Variants in DMD observed in about 807,000 individuals in gnomAD.
The protein encoded by DMD is mutant dystrophin.
A neutral mutation model predicts 330.1 loss-of-function variants in DMD; 63 were observed. That is an observed-to-expected ratio of 0.19 (90% CI 0.16 to 0.24). DMD has a LOEUF of 0.24. DMD is among the 10% of genes least tolerant of loss of function. The probability of loss-of-function intolerance (pLI) is 1.00; values close to 1 mark genes in which losing one functional copy is unlikely to be tolerated. For synonymous variants in DMD, 1,223 were observed against 959.8 expected, an observed-to-expected ratio of 1.27 and a Z score of -5.07; for missense variants, 3,344 against 2,684.1, an observed-to-expected ratio of 1.25 and a Z score of -5.43.
chrX:32,279,376 C>A (rs780688695), intron 43 of DMD, among the ~76,000 whole-genome samples: 11 of 111,560 alleles, frequency 9.9e-5, no homozygotes, highest in African/African-American at 3.6e-4. Context: ...TTTGTTGAAG[C>A]ACTGTTCATA....
intron 57 of DMD, among the ~76,000 whole-genome samples, chrX:31,494,537 C>G (rs1255647147): frequency 9.0e-6 from 1 of 111,478 alleles, no homozygotes; most frequent in Non-Finnish European, 1.9e-5. Flanking sequence ...GCACACTAAC[C>G]AAGTGGGGAC....
At chrX:31,390,497 T>A (rs756309478) in intron 60 of DMD, among the ~76,000 whole-genome samples, 10 of 111,001 alleles carry the variant, frequency 9.0e-5, no homozygotes, top group Admixed American at 7.7e-4. Flanking sequence ...ACTGTTGATC[T>A]TTTCCAAATC....
intron 77 of DMD, 130 bp from the exon 78 acceptor site, chrX:31,126,803 GAAAAAAA>G (rs58738809): frequency 9.0e-4 from 233 of 259,449 alleles, no homozygotes; most frequent in Middle Eastern, 2.3e-3. Flanking sequence ...TTCTCTGCTG[GAAAAAAA>G]AAAAAAAAAA....
intron 50 of DMD, among the ~76,000 whole-genome samples, chrX:31,793,140 C>G (rs2091656614): frequency 9.0e-6 from 1 of 111,000 alleles, no homozygotes; most frequent in African/African-American, 3.3e-5. Context: ...CTGCTTCTCT[C>G]TGATGTCCAG....
intron 57 of DMD, among the ~76,000 whole-genome samples, chrX:31,493,094 CAG>C (rs2069466723): frequency 9.0e-6 from 1 of 111,641 alleles, no homozygotes; most frequent in Admixed American, 9.5e-5. Flanking sequence ...TAGAAATAAA[CAG>C]AAAACTCCTG....
chrX:31,945,987 G>A (rs2150070822), intron 45 of DMD, among the ~76,000 whole-genome samples: 1 of 112,015 alleles, frequency 8.9e-6, no homozygotes, highest in African/African-American at 3.2e-5. Context: ...TAGAAAAGAA[G>A]CAATAATAAC....
At chrX:32,853,533 TTA>T (rs886601934) in intron 2 of DMD, among the ~76,000 whole-genome samples, 1 of 110,252 alleles carries the variant, frequency 9.1e-6, no homozygotes, top group African/African-American at 3.3e-5. Context: ...AAATAATGGG[TTA>T]TAGTGTTTGT....
chrX:32,065,409 C>T (rs2096253330), intron 44 of DMD, among the ~76,000 whole-genome samples: 1 of 111,630 alleles, frequency 9.0e-6, no homozygotes, highest in African/African-American at 3.2e-5. Flanking sequence ...TTAATTGAAA[C>T]TAGTTCAAGT....
rs867407141 is a variant in DMD, at chrX:31,867,091, G to T, written c.7098+8097C>A. Among the ~76,000 whole-genome samples, 395 of 101,246 alleles carry T rather than the reference G, an allele frequency of 3.9e-3. 3 individuals are homozygous for T. Among genetic ancestry groups the T allele is most frequent in the African/African-American group, 0.013 (374 of 27,786 alleles). 87.9% of individuals were successfully genotyped at this position (101,246 alleles called of 115,157 possible). A position where few individuals can be genotyped will look rare whatever the true frequency, so the allele number is the denominator to read the frequency against. On this transcript the variant is annotated intron_variant, in intron 48 of 78. Transcript: ENST00000357033. The stretch of plus-strand genomic sequence containing the variant: ...TATACTTAAGTATGCAACATATTTT[G>T]ATATATATATATATATATACGCACA...
rs188363021 is a variant in DMD at position 31,673,654 on chromosome X, G to A, written c.7872+5721C>T. On this transcript the variant is annotated intron_variant, in intron 53 of 78. Transcript: ENST00000357033. ...AAAAGAAAAAAGAAAAGATGATTTC[G>A]AAAATTTTTTGAGGAGCAGATTTAC... Among the ~76,000 whole-genome samples, 46 of 111,568 alleles carry A rather than the reference G, an allele frequency of 4.1e-4. No homozygotes were observed. In the East Asian group the frequency reaches 5.6e-3, roughly 14 times the overall value.
intron 51 of DMD, among the ~76,000 whole-genome samples, chrX:31,756,463 T>TAC (rs58167942): frequency 0.066 from 7,039 of 106,682 alleles, 198 homozygotes; most frequent in Non-Finnish European, 0.09. Flanking sequence ...CGTGTATGTG[T>TAC]ACACACACAC....
intron 55 of DMD, among the ~76,000 whole-genome samples, chrX:31,538,960 C>T (rs1365573437): frequency 9.0e-6 from 1 of 111,476 alleles, no homozygotes; most frequent in Non-Finnish European, 1.9e-5. Flanking sequence ...GTTATTCGTT[C>T]TCATTATTTT....
intron 77 of DMD, among the ~76,000 whole-genome samples, chrX:31,129,918 T>C (rs757761742): frequency 8.9e-6 from 1 of 111,838 alleles, no homozygotes; most frequent in Admixed American, 9.5e-5. Flanking sequence ...TAGGGGTATT[T>C]GATAGAATGT....
intron 1 of DMD, among the ~76,000 whole-genome samples, chrX:33,128,701 G>A (rs1212161434): frequency 8.9e-6 from 1 of 111,997 alleles, no homozygotes; most frequent in African/African-American, 3.2e-5. Context: ...AGAAAAAGAA[G>A]CAGAGAAGGA....
chrX:32,488,838 C>T (rs1001012556), intron 20 of DMD, among the ~76,000 whole-genome samples: 5 of 111,317 alleles, frequency 4.5e-5, no homozygotes, highest in African/African-American at 1.6e-4. Context: ...CTGTTTGTCT[C>T]TCCTCTCATT....
At chrX:32,147,877 C>CTTTTTT (rs779461772) in intron 44 of DMD, among the ~76,000 whole-genome samples, 2 of 87,972 alleles carry the variant, frequency 2.3e-5, no homozygotes, top group African/African-American at 4.2e-5. Context: ...AAAATTTCTT[C>CTTTTTT]TTTTTTTTTT....
intron 17 of DMD, among the ~76,000 whole-genome samples, chrX:32,532,702 C>A (rs1307859534): frequency 8.9e-6 from 1 of 112,321 alleles, no homozygotes; most frequent in African/African-American, 3.2e-5. Context: ...TGGCTTTAAG[C>A]CCTATGCCAT....
chrX:32,577,326 T>C (rs56327621), intron 13 of DMD, among the ~76,000 whole-genome samples: 1,294 of 112,077 alleles, frequency 0.012, 14 homozygotes, highest in African/African-American at 0.039. Flanking sequence ...GGTGAGAAAG[T>C]GTTTGTATTG....
At chrX:33,020,296 G>GT (rs768702481) in intron 1 of DMD, 96 bp from the exon 2 acceptor site, 30 of 588,597 alleles carry the variant, frequency 5.1e-5, no homozygotes, top group South Asian at 1.1e-4. Flanking sequence ...ATGTGTTAGT[G>GT]TTTTTTTACA....
Sources: allele counts gnomAD v4.1 joint callset (sites outside exome capture counted in the v4.1 genomes callset), GRCh38; gene constraint gnomAD v4.1.1; transcripts MANE v1.5; gene names NCBI Gene and HGNC (gene_info 2026-07-23, HGNC 2026-07-21).